The following SLIT1 variants were observed in gnomAD, a reference collection of about 807,000 sequenced individuals.
SLIT1 encodes the protein slit homolog 1 protein.
In SLIT1, 66 loss-of-function variants were observed where a neutral mutation model predicts 186.1. That is an observed-to-expected ratio of 0.35 (90% CI 0.29 to 0.44). SLIT1 has a LOEUF of 0.44. Ranked by LOEUF, SLIT1 falls within the 20% of genes least tolerant of loss-of-function variation. SLIT1 has a pLI of 1.00. For missense variants in SLIT1, 1,638 were observed against 2,037.4 expected (o/e 0.80, Z 3.77); for synonymous variants, 761 against 833.8 (o/e 0.91, Z 1.50).
intron 13 of SLIT1, among the ~76,000 whole-genome samples, chr10:97,053,701 A>T (rs1293611848): frequency 6.6e-6 from 1 of 152,240 alleles, no homozygotes; most frequent in African/African-American, 2.4e-5. Flanking sequence ...GCTCAGAATT[A>T]AAGATGTAGA....
chr10:97,166,916 C>A (rs115371126), intron 1 of SLIT1, among the ~76,000 whole-genome samples: 3 of 152,150 alleles, frequency 2.0e-5, no homozygotes, highest in Admixed American at 6.5e-5. Flanking sequence ...AATCTGAACC[C>A]GTGGCCATCT....
In SLIT1 at chr10:97,047,964, C is replaced by A; in HGVS notation, c.1489+9G>T. 1 of 1,614,162 alleles carries A rather than the reference C, an allele frequency of 6.2e-7. No individual in the cohort carries two copies. Among genetic ancestry groups the A allele is most frequent in the Non-Finnish European group, 8.5e-7 (1 of 1,179,992 alleles). ...GCCAGGCTGGCCTTGGATCCCCCCA[C>A]TCTCCTACCTGGAATGAAGTACTGC... On this transcript the variant is annotated intron_variant, in intron 15 of 36. Coordinates refer to ENST00000266058, the MANE Select transcript of SLIT1 (RefSeq NM_003061.3).
In SLIT1 at chr10:97,185,461, G is replaced by T. The variant is rs745763487; in HGVS notation, c.197+17C>A. 6.2e-7 allele frequency: 1 copy of T among 1,608,148 alleles called. No homozygotes were observed. Among genetic ancestry groups the T allele is most frequent in the Non-Finnish European group, 8.5e-7 (1 of 1,177,778 alleles). On this transcript the variant is annotated intron_variant, in intron 1 of 36. Coordinates refer to ENST00000266058, the MANE Select transcript of SLIT1 (RefSeq NM_003061.3). ...CAACCTCGGAGCCAGGGAGCCAGGGGCGGGGACCATACTCACAGGCGCTCG... is the reference window on the plus strand; with the variant it reads ...CAACCTCGGAGCCAGGGAGCCAGGGTCGGGGACCATACTCACAGGCGCTCG...
At chr10:97,155,516 T>G (rs1469682534) in intron 4 of SLIT1, 1 of 152,188 alleles carries the variant, frequency 6.6e-6, no homozygotes, top group African/African-American at 2.4e-5. Context: ...AAAATGAATA[T>G]GGCTGGAGAT....
chr10:97,157,903 G>A lies in SLIT1; in HGVS notation c.342-14C>T. On this transcript the variant is annotated splice_polypyrimidine_tract_variant and intron_variant, in intron 3 of 36. Transcript: ENST00000266058. The stretch of plus-strand genomic sequence containing the variant: ...CGGTTCAGTCGCCTATAAAAGAGAA[G>A]AAGAATTGGAAATCACCTAGACAGC... The A allele has an allele frequency of 6.2e-7, 1 of 1,602,780 alleles. No individual in the cohort carries two copies. The highest frequency in any genetic ancestry group is 8.5e-7 in the Non-Finnish European group (1 of 1,169,714).
intron 4 of SLIT1, among the ~76,000 whole-genome samples, chr10:97,128,020 C>A (rs1849619573): frequency 6.6e-6 from 1 of 152,182 alleles, no homozygotes; most frequent in Non-Finnish European, 1.5e-5. Flanking sequence ...CTCCAAGAAG[C>A]CCCTGGGAAC....
At chr10:97,024,163 C>T (rs1310166725) in intron 25 of SLIT1, among the ~76,000 whole-genome samples, 1 of 152,196 alleles carries the variant, frequency 6.6e-6, no homozygotes, top group African/African-American at 2.4e-5. Context: ...CATTTTCCAC[C>T]TGTTTCTGGG....
At chr10:97,120,788 T>C (rs1451188789) in intron 4 of SLIT1, among the ~76,000 whole-genome samples, 1 of 152,182 alleles carries the variant, frequency 6.6e-6, no homozygotes, top group African/African-American at 2.4e-5. Context: ...CATTGCTCCA[T>C]GGTAGTAAGA....
chr10:97,147,847 G>C (rs1305611480), intron 4 of SLIT1, among the ~76,000 whole-genome samples: 1 of 152,260 alleles, frequency 6.6e-6, no homozygotes, highest in East Asian at 1.9e-4. Context: ...ACAGGGAACT[G>C]CATTCCCACC....
chr10:97,096,516 C>T (rs1016922866), intron 4 of SLIT1, among the ~76,000 whole-genome samples: 7 of 152,204 alleles, frequency 4.6e-5, no homozygotes, highest in Non-Finnish European at 8.8e-5. Context: ...GACATTTACA[C>T]TCCCTCATGA....
intron 25 of SLIT1, among the ~76,000 whole-genome samples, chr10:97,028,969 C>T (rs1162134813): frequency 2.0e-5 from 3 of 152,186 alleles, no homozygotes; most frequent in African/African-American, 7.2e-5. Flanking sequence ...ACAAATCAAT[C>T]ACAGCACCCC....
At chr10:97,181,808 GCACAAGGGGAACCTTC>G (rs1056336066) in intron 1 of SLIT1, among the ~76,000 whole-genome samples, 2 of 152,178 alleles carry the variant, frequency 1.3e-5, no homozygotes, top group Non-Finnish European at 2.9e-5. Flanking sequence ...TACCCTCTCT[GCACAAGGGGAACCTTC>G]CACAAACCTC....
At chr10:97,172,094 G>C (rs1266536115) in intron 1 of SLIT1, among the ~76,000 whole-genome samples, 1 of 151,564 alleles carries the variant, frequency 6.6e-6, no homozygotes, top group African/African-American at 2.4e-5. Context: ...CCAGGCCAGA[G>C]TGCAGTGGTG....
chr10:97,057,635 A>G, intron 11 of SLIT1: 1 of 362,276 alleles, frequency 2.8e-6, no homozygotes, highest in Middle Eastern at 7.8e-4. Context: ...GATTGTTGAG[A>G]GAAGAGAAAA....
intron 27 of SLIT1, 32 bp from the exon 28 acceptor site, chr10:97,018,715 G>T (rs933198067): frequency 6.3e-6 from 9 of 1,427,408 alleles, no homozygotes; most frequent in Non-Finnish European, 8.7e-6. Flanking sequence ...GGGACCCCAG[G>T]GAGACCCAGG....
Position 97,043,759 on chromosome 10 carries a change from G to A in SLIT1, c.1854-246C>T, listed in dbSNP as rs2134622764. On this transcript the variant is annotated intron_variant, in intron 18 of 36. Transcript: ENST00000266058. The surrounding 1 kb of genome is among the most constrained non-coding windows in gnomAD (Gnocchi z 7.0). ...GCTCTGTCTCTCTCTCCCTGCCACT[G>A]CCCTGTCCCCCATGCTGGCCTTGCC... 6.6e-6 allele frequency among the ~76,000 whole-genome samples: 1 copy of A among 152,210 alleles called. No individual in the cohort carries two copies. Among genetic ancestry groups the A allele is most frequent in the East Asian group, 1.9e-4 (1 of 5,184 alleles).
At chr10:97,012,372 G>A (rs1177563640) in intron 30 of SLIT1, among the ~76,000 whole-genome samples, 2 of 152,098 alleles carry the variant, frequency 1.3e-5, no homozygotes, top group Non-Finnish European at 2.9e-5. Flanking sequence ...ACTATATACT[G>A]GATATATATC....
At chr10:97,151,716 C>A (rs886942870) in intron 4 of SLIT1, among the ~76,000 whole-genome samples, 12 of 152,126 alleles carry the variant, frequency 7.9e-5, no homozygotes, top group Admixed American at 7.2e-4. Context: ...GCTTGCATTT[C>A]TTTATCTGTA....
intron 7 of SLIT1, 54 bp downstream of exon 7, chr10:97,064,114 C>A: frequency 6.9e-7 from 1 of 1,438,992 alleles, no homozygotes; most frequent in Non-Finnish European, 9.6e-7. Context: ...CCACCCACCC[C>A]CTGGCATCAA....
Sources: gnomAD v4.1 joint callset for allele counts (sites outside exome capture counted in the v4.1 genomes callset) on GRCh38, gnomAD v4.1.1 for gene constraint, Gnocchi (gnomAD v3.1) non-coding constraint, MANE v1.5 for transcripts, NCBI Gene and HGNC (gene_info 2026-07-23, HGNC 2026-07-21) for gene names.